Variants in ADAMTS17 observed in about 807,000 individuals in gnomAD.
The protein encoded by ADAMTS17 is ADAM metallopeptidase with thrombospondin type 1 motif 17.
Under a neutral mutation model 141.5 loss-of-function variants are expected in ADAMTS17, and 113 were observed. The ratio of observed to expected loss-of-function variants is 0.80; its 90% CI spans 0.69 to 0.93. ADAMTS17 has a LOEUF of 0.93. Ranked by LOEUF, ADAMTS17 falls within the 40% of genes least tolerant of loss-of-function variation. The probability of loss-of-function intolerance (pLI) is 0.00; values close to 1 mark genes in which losing one functional copy is unlikely to be tolerated. For missense variants in ADAMTS17, 1,659 were observed against 1,517.9 expected, an observed-to-expected ratio of 1.09 and a Z score of -1.54; for synonymous variants, 768 against 630.6, an observed-to-expected ratio of 1.22 and a Z score of -3.27.
intron 7 of ADAMTS17, among the ~76,000 whole-genome samples, chr15:100,253,315 G>A (rs376982824): frequency 3.3e-4 from 46 of 140,194 alleles, no homozygotes; most frequent in African/African-American, 1.2e-3. Flanking sequence ...AACTGAGGAC[G>A]GGAGAGAAAG....
chr15:100,261,760 G>A, intron 5 of ADAMTS17, 124 bp from the exon 6 acceptor site: 3 of 1,084,856 alleles, frequency 2.8e-6, no homozygotes, highest in Non-Finnish European at 4.1e-6. Context: ...GATGACTCAC[G>A]GCCCTCGAAG....
At chr15:100,289,835 C>T (rs1447127879) in intron 3 of ADAMTS17, among the ~76,000 whole-genome samples, 1 of 152,144 alleles carries the variant, frequency 6.6e-6, no homozygotes, top group Non-Finnish European at 1.5e-5. Context: ...GTTAAAAACC[C>T]TCCACAAACT....
At chr15:100,215,003 G>C (rs2041925898) in intron 7 of ADAMTS17, among the ~76,000 whole-genome samples, 1 of 152,112 alleles carries the variant, frequency 6.6e-6, no homozygotes, top group East Asian at 1.9e-4. Context: ...ACCTCCATTT[G>C]GTATCATGAA....
intron 16 of ADAMTS17, among the ~76,000 whole-genome samples, chr15:100,052,474 T>C (rs1041954050): frequency 5.3e-5 from 8 of 152,266 alleles, no homozygotes; most frequent in Admixed American, 5.2e-4. Flanking sequence ...CCGAGTTTTG[T>C]TCATCCTGGT....
intron 10 of ADAMTS17, among the ~76,000 whole-genome samples, chr15:100,145,116 AAGAT>A (rs2038838760): frequency 6.6e-6 from 1 of 152,204 alleles, no homozygotes; most frequent in Non-Finnish European, 1.5e-5. Flanking sequence ...TTTAAGATAA[AAGAT>A]AGACAAACAT....
chr15:100,188,487 T>C (rs2040803656), intron 8 of ADAMTS17, among the ~76,000 whole-genome samples: 1 of 152,200 alleles, frequency 6.6e-6, no homozygotes, highest in South Asian at 2.1e-4. Context: ...TCTGACAGTT[T>C]TGCGGCTTCC....
At chr15:100,223,209 G>T (rs2042189220) in intron 7 of ADAMTS17, among the ~76,000 whole-genome samples, 1 of 152,176 alleles carries the variant, frequency 6.6e-6, no homozygotes, top group Admixed American at 6.5e-5. Flanking sequence ...ACTGTCTAAA[G>T]GGGACAGCCA....
chr15:100,292,871 G>A (rs975568897), intron 3 of ADAMTS17, among the ~76,000 whole-genome samples: 1 of 152,192 alleles, frequency 6.6e-6, no homozygotes, highest in Admixed American at 6.5e-5. Context: ...CCAGCAGGAC[G>A]AAGGATACCA....
chr15:100,124,345 A>G (rs1049365902), intron 12 of ADAMTS17, among the ~76,000 whole-genome samples: 4 of 152,242 alleles, frequency 2.6e-5, no homozygotes, highest in African/African-American at 9.6e-5. Flanking sequence ...TTCACAAGAA[A>G]AGGATATCCA....
rs146572908 is a variant in ADAMTS17 at position 100,143,093 on chromosome 15, C to T, written c.1473+9519G>A. 5.6e-3 allele frequency among the ~76,000 whole-genome samples: 852 copies of T among 152,248 alleles called. 4 individuals are homozygous for T. Among genetic ancestry groups the T allele is most frequent in the Non-Finnish European group, 7.5e-3 (512 of 68,006 alleles). The stretch of plus-strand genomic sequence containing the variant: ...AAGGGGTGGTGGTCATTAAACAGCA[C>T]CTTTCAACTGAAAGCCTCCAGGACC... On this transcript the variant is annotated intron_variant, in intron 10 of 21. Coordinates refer to ENST00000268070, the MANE Select transcript of ADAMTS17 (RefSeq NM_139057.4).
At position 99,997,311 on chromosome 15, in the gene ADAMTS17, A is replaced by C; in HGVS notation, c.2796+74T>G. ...GGGCGAGCGAGGGCTGGGAGGCACC[A>C]GAATGTCACCAATACCATGGCACCG... On this transcript the variant is annotated intron_variant, in intron 19 of 21. Coordinates refer to ENST00000268070, the MANE Select transcript of ADAMTS17 (RefSeq NM_139057.4). This position sits in a 1 kb window ranked among gnomAD's most constrained non-coding sequence, Gnocchi z 4.7. 1 of 1,561,774 alleles carries C rather than the reference A, an allele frequency of 6.4e-7. No individual in the cohort carries two copies. The highest frequency in any genetic ancestry group is 8.8e-7 in the Non-Finnish European group (1 of 1,136,028).
chr15:100,043,256 CCT>C (rs766702854), intron 18 of ADAMTS17, among the ~76,000 whole-genome samples: 2 of 152,168 alleles, frequency 1.3e-5, no homozygotes, highest in Non-Finnish European at 2.9e-5. Flanking sequence ...GCTATTTTCT[CCT>C]GTTTTTCAAT....
chr15:99,977,348 TCA>T (rs1491127955), intron 20 of ADAMTS17, among the ~76,000 whole-genome samples: 57 of 60,966 alleles, frequency 9.3e-4, no homozygotes, highest in Non-Finnish European at 1.6e-3. Context: ...TCCCTCCTCT[TCA>T]TATATATATA....
chr15:100,200,876 G>T (rs1428164965), intron 7 of ADAMTS17, among the ~76,000 whole-genome samples: 1 of 151,854 alleles, frequency 6.6e-6, no homozygotes, highest in Non-Finnish European at 1.5e-5. Context: ...GCTCTCCATG[G>T]GCTGTCCCTC....
At chr15:100,024,889 CT>C (rs1462047406) in intron 18 of ADAMTS17, among the ~76,000 whole-genome samples, 1 of 152,180 alleles carries the variant, frequency 6.6e-6, no homozygotes, top group Non-Finnish European at 1.5e-5. Context: ...ATGTGACCTG[CT>C]TCAAGTAAAT....
chr15:100,262,202 G>A, intron 5 of ADAMTS17, 150 bp downstream of exon 5: 3 of 727,910 alleles, frequency 4.1e-6, no homozygotes, highest in Admixed American at 4.5e-5. Context: ...TTCCGGTACT[G>A]ATGCCGGCTT....
At chr15:100,275,069 GA>G (rs2044033910) in intron 4 of ADAMTS17, among the ~76,000 whole-genome samples, 1 of 152,172 alleles carries the variant, frequency 6.6e-6, no homozygotes, top group Non-Finnish European at 1.5e-5. Context: ...TTATGTTGAG[GA>G]AAACAGGGTG....
chr15:100,341,375 C>T lies in ADAMTS17; in HGVS notation c.114G>A (p.Val38=). Residue 38 remains valine, a synonymous_variant, in exon 2 of 22, where the codon GTG becomes GTA. Coordinates refer to ENST00000268070, the MANE Select transcript of ADAMTS17 (RefSeq NM_139057.4). ...VGDAAADVEV[V]LPWRVRPDDV... is the part of the protein sequence containing the mutation. ...CGTCGGGGCGCACCCGCCACGGGAGCACCACCTCCACGTCGGCCGCCGCGT... is the reference window on the plus strand; with the variant it reads ...CGTCGGGGCGCACCCGCCACGGGAGTACCACCTCCACGTCGGCCGCCGCGT... The T allele has an allele frequency of 9.8e-7, 1 of 1,017,350 alleles. No homozygotes were observed. The highest frequency in any genetic ancestry group is 1.2e-6 in the Non-Finnish European group (1 of 852,686). 63.0% of individuals were successfully genotyped at this position (1,017,350 alleles called of 1,614,324 possible).
Position 100,224,252 on chromosome 15 carries a change from T to C in ADAMTS17, c.1076-24829A>G, listed in dbSNP as rs1567384483. 2.0e-5 allele frequency among the ~76,000 whole-genome samples: 3 copies of C among 151,942 alleles called. No individual in the cohort carries two copies. In the South Asian group the frequency reaches 6.2e-4, roughly 32 times the overall value. On this transcript the variant is annotated intron_variant, in intron 7 of 21. Coordinates refer to ENST00000268070, the MANE Select transcript of ADAMTS17 (RefSeq NM_139057.4). ...TCCACACTGCCCACCGCCTTTGGAG[T>C]GTACTTGGCGATTACAGAGCAGAGA... is the stretch of plus-strand genomic sequence containing the variant.
Sources: gnomAD v4.1 joint callset for allele counts (sites outside exome capture counted in the v4.1 genomes callset) on GRCh38, gnomAD v4.1.1 for gene constraint, Gnocchi (gnomAD v3.1) non-coding constraint, MANE v1.5 for transcripts, NCBI Gene and HGNC (gene_info 2026-07-23, HGNC 2026-07-21) for gene names.